RNF180: variants seen among roughly 807,000 people sequenced by gnomAD.
RNF180 encodes E3 ubiquitin-protein ligase RNF180.
Under a neutral mutation model 59.2 loss-of-function variants are expected in RNF180, and 38 were observed. The observed-to-expected ratio is 0.64, with a 90% CI of 0.50 to 0.84. RNF180 has a LOEUF of 0.84. Ranked by LOEUF, RNF180 falls within the 40% of genes least tolerant of loss-of-function variation. The probability of loss-of-function intolerance (pLI) is 0.00; values close to 1 mark genes in which losing one functional copy is unlikely to be tolerated. For synonymous variants in RNF180, 262 were observed against 240.3 expected (o/e 1.09, Z -0.84); for missense variants, 705 against 700.9 (o/e 1.01, Z -0.07).
chr5:64,368,960 G>T (rs1241463211), intron 7 of RNF180, among the ~76,000 whole-genome samples: 1 of 152,066 alleles, frequency 6.6e-6, no homozygotes, highest in Non-Finnish European at 1.5e-5. Flanking sequence ...CCATTACTGG[G>T]TATATACCCA....
intron 5 of RNF180, among the ~76,000 whole-genome samples, chr5:64,240,745 T>C (rs1029223684): frequency 6.6e-6 from 1 of 152,238 alleles, no homozygotes; most frequent in East Asian, 1.9e-4. Flanking sequence ...CCTGGAAGGC[T>C]CTGCCCTGAG....
intron 2 of RNF180, among the ~76,000 whole-genome samples, chr5:64,209,822 G>T (rs1286448873): frequency 6.6e-6 from 1 of 152,104 alleles, no homozygotes; most frequent in Non-Finnish European, 1.5e-5. Flanking sequence ...AGCTCCTAAT[G>T]AAAAGAGCTA....
At chr5:64,190,595 C>T (rs1230613965) in intron 1 of RNF180, among the ~76,000 whole-genome samples, 1 of 152,020 alleles carries the variant, frequency 6.6e-6, no homozygotes, top group Non-Finnish European at 1.5e-5. Flanking sequence ...GAATTGTGTC[C>T]TCTCCCCTAA....
At chr5:64,302,183 C>A (rs1158350435) in intron 5 of RNF180, among the ~76,000 whole-genome samples, 1 of 151,500 alleles carries the variant, frequency 6.6e-6, no homozygotes, top group Admixed American at 6.6e-5. Flanking sequence ...CCAATATACA[C>A]TGCTGGAGCA....
chr5:64,269,264 A>G (rs143462792), intron 5 of RNF180, among the ~76,000 whole-genome samples: 131 of 152,158 alleles, frequency 8.6e-4, no homozygotes, highest in African/African-American at 2.9e-3. Flanking sequence ...ACAGGGTCTC[A>G]CTCTGTCACC....
Position 64,337,009 on chromosome 5 carries a change from TTTTTTG to T in RNF180, c.1579+6627_1579+6632del, listed in dbSNP as rs1554044718. ...GATTTTCTTTTTTTGTTGTTGTTTT[TTTTTTG>T]TTTTTGTTTTTGTTTTTGTTTTTTT... On this transcript the variant is annotated intron_variant, in intron 7 of 7. Transcript: ENST00000389100. Among the ~76,000 whole-genome samples, 1,019 of 151,610 alleles carry T rather than the reference TTTTTTG, an allele frequency of 6.7e-3. 10 individuals carry two copies. The highest frequency in any genetic ancestry group is 0.023 in the African/African-American group (967 of 41,308).
intron 5 of RNF180, among the ~76,000 whole-genome samples, chr5:64,245,799 A>G (rs181415968): frequency 2.7e-4 from 41 of 152,280 alleles, no homozygotes; most frequent in Admixed American, 2.2e-3. Context: ...TCCACCCCAG[A>G]TCAACAGAAT....
intron 5 of RNF180, among the ~76,000 whole-genome samples, chr5:64,233,444 T>C (rs1280061212): frequency 1.3e-5 from 2 of 152,164 alleles, no homozygotes; most frequent in South Asian, 2.1e-4. Context: ...AATTAAAAAT[T>C]AACGAGAAAT....
At chr5:64,312,652 C>A (rs1271189519) in intron 5 of RNF180, among the ~76,000 whole-genome samples, 1 of 152,048 alleles carries the variant, frequency 6.6e-6, no homozygotes, top group Non-Finnish European at 1.5e-5. Context: ...GGTTCCGTTT[C>A]ACTGATTGTT....
In RNF180 at chr5:64,369,924, G is replaced by A; in HGVS notation, c.*110G>A. On this transcript the variant is annotated 3_prime_UTR_variant, in exon 8 of 8. Transcript: ENST00000389100. ...TTTTTAATGTTGCATTATACAAATT[G>A]TTGATGTTTATAGAAAGCCTGAGAA... 1 of 576,524 alleles carries A rather than the reference G, an allele frequency of 1.7e-6. No individual in the cohort carries two copies. Among genetic ancestry groups the A allele is most frequent in the Non-Finnish European group, 2.9e-6 (1 of 348,918 alleles). 35.7% of individuals were successfully genotyped at this position (576,524 alleles called of 1,614,324 possible).
chr5:64,304,036 G>C (rs1743305938), intron 5 of RNF180, among the ~76,000 whole-genome samples: 1 of 151,696 alleles, frequency 6.6e-6, no homozygotes, highest in Admixed American at 6.6e-5. Flanking sequence ...TACTCTGCCT[G>C]TGTTCTATAA....
chr5:64,268,463 G>A (rs140615854), intron 5 of RNF180, among the ~76,000 whole-genome samples: 5 of 151,848 alleles, frequency 3.3e-5, no homozygotes, highest in African/African-American at 1.2e-4. Flanking sequence ...TATATCTTAG[G>A]TAGAGAGAAT....
chr5:64,187,639 C>G (rs1750937095), intron 1 of RNF180, among the ~76,000 whole-genome samples: 1 of 152,166 alleles, frequency 6.6e-6, no homozygotes, highest in Non-Finnish European at 1.5e-5. Context: ...TAGAAATCAC[C>G]TGACACCGTC....
chr5:64,167,841 G>T (rs973109221), intron 1 of RNF180, among the ~76,000 whole-genome samples: 2 of 152,038 alleles, frequency 1.3e-5, no homozygotes, highest in African/African-American at 4.8e-5. Context: ...CCTCCATTTG[G>T]CCATCTGAAA....
intron 5 of RNF180, among the ~76,000 whole-genome samples, chr5:64,298,151 A>C (rs539109249): frequency 1.3e-5 from 2 of 152,256 alleles, no homozygotes; most frequent in African/African-American, 4.8e-5. Flanking sequence ...TTTGCTAAGG[A>C]TAATGGCCTC....
At chr5:64,330,767 G>A (rs1004693860) in intron 7 of RNF180, among the ~76,000 whole-genome samples, 3 of 152,206 alleles carry the variant, frequency 2.0e-5, no homozygotes, top group South Asian at 2.1e-4. Flanking sequence ...AGCTGCAGTC[G>A]GGGAGGCACA....
In RNF180 at chr5:64,295,809, C is replaced by A. The variant is rs565513742; in HGVS notation, c.1228-29377C>A. Among the ~76,000 whole-genome samples the A allele has an allele frequency of 3.3e-5, 5 of 152,246 alleles. No homozygotes were observed. The East Asian group carries it at 9.7e-4, about 29-fold the overall frequency. ...GTTGAAGTATGATTTTCTCCTTTAT[C>A]AATCCTCAAAATTTGTCTTACATAC... On this transcript the variant is annotated intron_variant, in intron 5 of 7. Coordinates refer to ENST00000389100, the MANE Select transcript of RNF180 (RefSeq NM_001113561.2).
intron 7 of RNF180, among the ~76,000 whole-genome samples, chr5:64,343,334 A>G (rs1745432622): frequency 6.6e-6 from 1 of 152,166 alleles, no homozygotes; most frequent in South Asian, 2.1e-4. Flanking sequence ...CAATAGCTGA[A>G]TTAAGAACAT....
chr5:64,352,526 C>T (rs952935972), intron 7 of RNF180, among the ~76,000 whole-genome samples: 5 of 151,910 alleles, frequency 3.3e-5, no homozygotes, highest in Non-Finnish European at 2.9e-5. Flanking sequence ...CCTGCTTTCT[C>T]TTGTGGGCAT....
Sources: gnomAD v4.1 joint callset for allele counts (sites outside exome capture counted in the v4.1 genomes callset) on GRCh38, gnomAD v4.1.1 for gene constraint, MANE v1.5 for transcripts, NCBI Gene and HGNC (gene_info 2026-07-23, HGNC 2026-07-21) for gene names.